The following BOLL variants were observed in gnomAD, a reference collection of about 807,000 sequenced individuals.
The protein encoded by BOLL is boule RNA binding protein, also known as protein boule-like.
A neutral mutation model predicts 44.4 loss-of-function variants in BOLL; 23 were observed. That is an observed-to-expected ratio of 0.52 (90% CI 0.37 to 0.73). The LOEUF is 0.73. BOLL is among the 30% of genes least tolerant of loss of function. BOLL has a pLI of 0.00. For missense variants in BOLL, 287 were observed against 338.3 expected (o/e 0.85, Z 1.19); for synonymous variants, 97 against 110.8 (o/e 0.88, Z 0.78).
chr2:197,742,380 C>G (rs967561979), intron 10 of BOLL, among the ~76,000 whole-genome samples: 2 of 152,162 alleles, frequency 1.3e-5, no homozygotes, highest in Admixed American at 6.5e-5. Context: ...TTTATTGCGG[C>G]ACTATTCACA....
In BOLL at chr2:197,765,855, C is replaced by G. The variant is rs144525439; in HGVS notation, c.552+677G>C. 2.7e-3 allele frequency among the ~76,000 whole-genome samples: 405 copies of G among 151,442 alleles called. 5 individuals carry two copies. The highest frequency in any genetic ancestry group is 9.4e-3 in the African/African-American group (390 of 41,478). On this transcript the variant is annotated intron_variant, in intron 7 of 10. Coordinates refer to ENST00000392296, the MANE Select transcript of BOLL (RefSeq NM_033030.6). ...TCTTCTCCCTCTTCCCACCCTCCAC[C>G]CTCAAGTAGACCCCAGTGTCTACTG...
intron 9 of BOLL, among the ~76,000 whole-genome samples, chr2:197,745,593 C>G (rs1045338299): frequency 6.6e-6 from 1 of 152,102 alleles, no homozygotes; most frequent in Non-Finnish European, 1.5e-5. Context: ...AATGTAAAAG[C>G]ATTCTTATCT....
intron 1 of BOLL, chr2:197,784,826 A>C (rs1010640032): frequency 1.0e-6 from 1 of 987,438 alleles, no homozygotes; most frequent in Non-Finnish European, 1.2e-6. Context: ...AACAACAAAG[A>C]AAGCCTGAAA....
intron 7 of BOLL, among the ~76,000 whole-genome samples, chr2:197,761,252 A>C (rs2106358330): frequency 6.6e-6 from 1 of 152,308 alleles, no homozygotes; most frequent in South Asian, 2.1e-4. Context: ...TTGACACTGC[A>C]GTGAGCTATG....
chr2:197,738,174 T>G (rs1687579553), intron 10 of BOLL, among the ~76,000 whole-genome samples: 1 of 152,204 alleles, frequency 6.6e-6, no homozygotes, highest in Non-Finnish European at 1.5e-5. Flanking sequence ...TGTTCCTTCC[T>G]AGTCTAGTTC....
At position 197,732,659 on chromosome 2, in the gene BOLL, C is replaced by T. The variant is rs958583848; in HGVS notation, c.829-4081G>A. On this transcript the variant is annotated intron_variant, in intron 10 of 10. Coordinates refer to ENST00000392296, the MANE Select transcript of BOLL (RefSeq NM_033030.6). ...TGGGATGCAAGACTGGTTCAATATA[C>T]GCAAATCAATAAATGTAATCCAGCA... 7.0e-3 allele frequency among the ~76,000 whole-genome samples: 1,056 copies of T among 150,142 alleles called. 17 individuals carry two copies. The highest frequency in any genetic ancestry group is 0.013 in the Non-Finnish European group (852 of 66,942).
chr2:197,772,323 A>C (rs1409609945), intron 5 of BOLL, among the ~76,000 whole-genome samples: 1 of 152,090 alleles, frequency 6.6e-6, no homozygotes, highest in African/African-American at 2.4e-5. Context: ...TTATTTGTAC[A>C]AATATAAATT....
At chr2:197,739,337 C>T (rs1181674678) in intron 10 of BOLL, among the ~76,000 whole-genome samples, 1 of 152,138 alleles carries the variant, frequency 6.6e-6, no homozygotes, top group African/African-American at 2.4e-5. Context: ...TCATAGCTCA[C>T]TGTAACCTTG....
chr2:197,778,865 C>T (rs1574867849), intron 3 of BOLL, 110 bp downstream of exon 3: 2 of 791,516 alleles, frequency 2.5e-6, no homozygotes, highest in East Asian at 2.7e-5. Context: ...AAGAAGAGGG[C>T]ATGATGGTCT....
chr2:197,744,008 A>G (rs939222649), intron 9 of BOLL, among the ~76,000 whole-genome samples: 2 of 152,160 alleles, frequency 1.3e-5, no homozygotes, highest in South Asian at 4.2e-4. Context: ...ACGGGGTTTC[A>G]CCGTGTTAGC....
chr2:197,766,531 C>G lies in BOLL; in HGVS notation c.552+1G>C, dbSNP rs781178458. On this transcript the variant is annotated splice_donor_variant, in intron 7 of 10. Transcript: ENST00000392296. LOFTEE classifies it high-confidence loss of function. Reference sequence around the variant, plus strand: ...GAATTTTAATTGTAATTTATGTTTACCTGGTAGTGATATGCAGGTTGCTGA... The same window carrying G: ...GAATTTTAATTGTAATTTATGTTTAGCTGGTAGTGATATGCAGGTTGCTGA... 1 of 1,601,470 alleles carries G rather than the reference C, an allele frequency of 6.2e-7. No individual in the cohort carries two copies. The highest frequency in any genetic ancestry group is 1.7e-4 in the Middle Eastern group (1 of 6,042).
At chr2:197,764,249 A>G (rs995935720) in intron 7 of BOLL, among the ~76,000 whole-genome samples, 8 of 152,208 alleles carry the variant, frequency 5.3e-5, no homozygotes, top group Admixed American at 4.6e-4. Context: ...CATGTTTATT[A>G]CAGCATTATT....
intron 10 of BOLL, among the ~76,000 whole-genome samples, chr2:197,735,558 TAG>T (rs2106316577): frequency 6.6e-6 from 1 of 152,262 alleles, no homozygotes; most frequent in East Asian, 1.9e-4. Context: ...ATAAGGTGTA[TAG>T]TTTAGACGAC....
rs756457901 is a variant in BOLL at position 197,743,168 on chromosome 2, A to C, written c.730-9T>G. On this transcript the variant is annotated splice_polypyrimidine_tract_variant and intron_variant, in intron 9 of 10. Transcript: ENST00000392296. ...CCATGATCAGAATAAGGCTATTACA[A>C]AAAAAGAGAGAAAAAATGTCACCTT... 6.4e-7 allele frequency: 1 copy of C among 1,557,598 alleles called. No individual in the cohort carries two copies. Among genetic ancestry groups the C allele is most frequent in the East Asian group, 2.3e-5 (1 of 43,500 alleles).
Position 197,756,571 on chromosome 2 carries a change from C to A in BOLL, c.601-15G>T. The A allele has an allele frequency of 1.3e-6, 2 of 1,575,696 alleles. No individual in the cohort carries two copies. Among genetic ancestry groups the A allele is most frequent in the South Asian group, 1.2e-5 (1 of 85,804 alleles). ...GAGGCAGAAGGCTAAAATACAAAAC[C>A]ATATTTCTAATTCAAATATGATTAG... On this transcript the variant is annotated splice_polypyrimidine_tract_variant and intron_variant, in intron 8 of 10. Coordinates refer to ENST00000392296, the MANE Select transcript of BOLL (RefSeq NM_033030.6).
chr2:197,782,512 A>G (rs1276532976), intron 1 of BOLL, among the ~76,000 whole-genome samples: 2 of 152,180 alleles, frequency 1.3e-5, no homozygotes, highest in African/African-American at 4.8e-5. Flanking sequence ...AACACATCCA[A>G]TCATAGAATT....
At chr2:197,778,876 C>T in intron 3 of BOLL, 99 bp downstream of exon 3, 1 of 966,344 alleles carries the variant, frequency 1.0e-6, no homozygotes, top group African/African-American at 1.7e-5. Flanking sequence ...ATGATGGTCT[C>T]TGCTGGAAAA....
chr2:197,777,054 C>T lies in BOLL; in HGVS notation c.276+5G>A. 6.4e-7 allele frequency: 1 copy of T among 1,567,976 alleles called. No individual in the cohort carries two copies. The highest frequency in any genetic ancestry group is 8.7e-7 in the Non-Finnish European group (1 of 1,148,376). On this transcript the variant is annotated splice_donor_5th_base_variant and intron_variant, in intron 4 of 10. Transcript: ENST00000392296. ...AATGAAGTTAAATACACCAAAAGAT[C>T]ATACCTCTTGTAAAATTTTTTGTGC...
chr2:197,757,318 G>A, intron 8 of BOLL, 35 bp downstream of exon 8: 1 of 1,556,638 alleles, frequency 6.4e-7, no homozygotes, highest in Non-Finnish European at 8.8e-7. Context: ...AATGAAAGAA[G>A]GATTTAAAAT....
Sources: gnomAD v4.1 joint callset for allele counts (sites outside exome capture counted in the v4.1 genomes callset) on GRCh38, gnomAD v4.1.1 for gene constraint, MANE v1.5 for transcripts, NCBI Gene and HGNC (gene_info 2026-07-23, HGNC 2026-07-21) for gene names.